SPRED2: variants seen among roughly 807,000 people sequenced by gnomAD.
SPRED2 encodes the protein sprouty-related, EVH1 domain-containing protein 2.
Under a neutral mutation model 43.0 loss-of-function variants are expected in SPRED2, and 47 were observed. That is an observed-to-expected ratio of 1.09 (90% CI 0.87 to 1.40). The LOEUF (loss-of-function observed/expected upper bound fraction) is 1.40. SPRED2 is among the 40% of genes most tolerant of loss of function. The pLI is 0.00. For missense variants in SPRED2, 561 were observed against 586.4 expected, an observed-to-expected ratio of 0.96 and a Z score of 0.45; for synonymous variants, 225 against 225.7, an observed-to-expected ratio of 1.00 and a Z score of 0.03.
chr2:65,352,158 C>T (rs1018189183), intron 1 of SPRED2, among the ~76,000 whole-genome samples: 5 of 152,232 alleles, frequency 3.3e-5, no homozygotes, highest in Admixed American at 6.5e-5. Context: ...AAGACTCGAT[C>T]GCAAAGATGC....
chr2:65,382,086 G>C (rs1675386260), intron 1 of SPRED2, among the ~76,000 whole-genome samples: 2 of 152,162 alleles, frequency 1.3e-5, no homozygotes, highest in African/African-American at 4.8e-5. Flanking sequence ...GTCTTTGCTG[G>C]GTGGTTTCTG....
chr2:65,419,415 T>C (rs1558691953), intron 1 of SPRED2, among the ~76,000 whole-genome samples: 1 of 152,132 alleles, frequency 6.6e-6, no homozygotes, highest in Non-Finnish European at 1.5e-5. Context: ...CACTCCAGAG[T>C]ACCAAGGCAC....
At chr2:65,368,063 C>T (rs1675029825) in intron 1 of SPRED2, among the ~76,000 whole-genome samples, 1 of 152,128 alleles carries the variant, frequency 6.6e-6, no homozygotes, top group South Asian at 2.1e-4. Context: ...GCTGTGAAAA[C>T]ATGACAAGTC....
At chr2:65,341,541 G>A (rs563484685) in intron 2 of SPRED2, among the ~76,000 whole-genome samples, 5 of 152,264 alleles carry the variant, frequency 3.3e-5, no homozygotes, top group South Asian at 2.1e-4. Flanking sequence ...GAGCTCAAAC[G>A]CAGGCTCTGC....
At chr2:65,404,747 G>A (rs1474703865) in intron 1 of SPRED2, among the ~76,000 whole-genome samples, 1 of 152,138 alleles carries the variant, frequency 6.6e-6, no homozygotes, top group Non-Finnish European at 1.5e-5. Flanking sequence ...AAACAGGACT[G>A]GCTGTAGGTC....
downstream of SPRED2, chr2:65,310,780 G>A: frequency 1.3e-6 from 1 of 782,472 alleles, no homozygotes; most frequent in Non-Finnish European, 1.6e-6. Flanking sequence ...CCTGTATGCG[G>A]GAACTCCAAG....
Position 65,316,740 on chromosome 2 carries a change from G to T in SPRED2, c.582C>A (p.Leu194=), listed in dbSNP as rs373800861. The change falls in exon 5 of 6, where the codon CTC becomes CTA. Residue 194 remains leucine, a synonymous_variant. Coordinates refer to ENST00000356388, the MANE Select transcript of SPRED2 (RefSeq NM_181784.3). ...GAACAGGGCTGCTGCTCACCTGATC[G>T]AGGTGATAGTGGTCTGTGGGGTATG... ...HDSYPTDHYH[L]DQPMPRPYRQ... 6.2e-7 allele frequency: 1 copy of T among 1,610,012 alleles called. No individual in the cohort carries two copies. Among genetic ancestry groups the T allele is most frequent in the Non-Finnish European group, 8.5e-7 (1 of 1,178,562 alleles).
At position 65,353,023 on chromosome 2, in the gene SPRED2, G is replaced by T. The variant is rs141256240; in HGVS notation, c.27-8127C>A. Among the ~76,000 whole-genome samples the T allele has an allele frequency of 7.5e-3, 1,137 of 152,276 alleles. 13 individuals carry two copies. Among genetic ancestry groups the T allele is most frequent in the Middle Eastern group, 0.037 (11 of 294 alleles). ...GGAATAGAACCCTTATACAAAACAC[G>T]GTACCTAAAAGGTGTGTGTAGGAGG... On this transcript the variant is annotated intron_variant, in intron 1 of 5. Coordinates refer to ENST00000356388, the MANE Select transcript of SPRED2 (RefSeq NM_181784.3).
intron 1 of SPRED2, among the ~76,000 whole-genome samples, chr2:65,355,281 C>A (rs1485375660): frequency 6.6e-6 from 1 of 152,056 alleles, no homozygotes; most frequent in Non-Finnish European, 1.5e-5. Context: ...AAAGAAGGCT[C>A]TACAATTAAT....
chr2:65,317,013 T>C (rs1673260711), intron 4 of SPRED2, 130 bp from the exon 5 acceptor site: 5 of 975,918 alleles, frequency 5.1e-6, no homozygotes, highest in Non-Finnish European at 7.6e-6. Context: ...CTTCCCAAAA[T>C]CTTGAGTTTG....
At chr2:65,352,467 A>C (rs1194282091) in intron 1 of SPRED2, among the ~76,000 whole-genome samples, 1 of 152,366 alleles carries the variant, frequency 6.6e-6, no homozygotes, top group African/African-American at 2.4e-5. Context: ...CTGTGAGCTC[A>C]CAGTGCCAGG....
intron 1 of SPRED2, among the ~76,000 whole-genome samples, chr2:65,396,305 C>T (rs1055017551): frequency 6.6e-6 from 1 of 152,200 alleles, no homozygotes; most frequent in Admixed American, 6.5e-5. Context: ...CAAATGTCAC[C>T]TTCTCCATGT....
chr2:65,337,917 GT>G (rs1011734053), intron 2 of SPRED2, among the ~76,000 whole-genome samples: 4 of 151,994 alleles, frequency 2.6e-5, no homozygotes, highest in African/African-American at 7.2e-5. Flanking sequence ...AAAAAATGTA[GT>G]TTTTTTGATA....
chr2:65,366,599 G>T, intron 1 of SPRED2: 1 of 1,553,730 alleles, frequency 6.4e-7, no homozygotes, highest in South Asian at 1.2e-5. Flanking sequence ...CCTGCCAGGC[G>T]ATGCCATTTC....
intron 1 of SPRED2, among the ~76,000 whole-genome samples, chr2:65,399,633 G>A (rs187226738): frequency 7.2e-5 from 11 of 152,066 alleles, no homozygotes; most frequent in African/African-American, 2.2e-4. Context: ...TGCCTGCCTC[G>A]GCCTCCCAAA....
At chr2:65,355,726 C>T (rs925180660) in intron 1 of SPRED2, among the ~76,000 whole-genome samples, 1 of 152,118 alleles carries the variant, frequency 6.6e-6, no homozygotes, top group Non-Finnish European at 1.5e-5. Context: ...CTTTTATTGT[C>T]TGTCTGCTTT....
intron 4 of SPRED2, among the ~76,000 whole-genome samples, chr2:65,330,928 G>A (rs1030350106): frequency 1.3e-5 from 2 of 152,066 alleles, no homozygotes; most frequent in African/African-American, 4.8e-5. Flanking sequence ...GGCATTCACT[G>A]TACTATTCTT....
intron 3 of SPRED2, among the ~76,000 whole-genome samples, chr2:65,333,494 G>A (rs536970307): frequency 1.3e-5 from 2 of 152,176 alleles, no homozygotes; most frequent in Admixed American, 6.5e-5. Flanking sequence ...AAAAAAGCTA[G>A]ATAGTATGTA....
At chr2:65,318,753 C>A (rs868634413) in intron 4 of SPRED2, among the ~76,000 whole-genome samples, 1 of 144,208 alleles carries the variant, frequency 6.9e-6, no homozygotes, top group Non-Finnish European at 1.5e-5. Flanking sequence ...CTCAAGTGAT[C>A]CCCCTGCTTC....
Sources: gnomAD v4.1 joint callset for allele counts (sites outside exome capture counted in the v4.1 genomes callset) on GRCh38, gnomAD v4.1.1 for gene constraint, MANE v1.5 for transcripts, NCBI Gene and HGNC (gene_info 2026-07-23, HGNC 2026-07-21) for gene names.